SCD5: variants seen among roughly 807,000 people sequenced by gnomAD.
SCD5 encodes the protein stearoyl-CoA desaturase 5.
A neutral mutation model predicts 30.4 loss-of-function variants in SCD5; 20 were observed. The observed-to-expected ratio is 0.66, with a 90% CI of 0.46 to 0.96. The LOEUF is 0.96. Among genes scored for constraint, SCD5 ranks in the 40% least tolerant of loss-of-function variants. The pLI is 0.00. For missense variants in SCD5, 381 were observed against 443.3 expected (o/e 0.86, Z 1.26); for synonymous variants, 173 against 176.4 (o/e 0.98, Z 0.16).
At chr4:82,764,255 C>T (rs1190873871) in intron 1 of SCD5, among the ~76,000 whole-genome samples, 3 of 152,180 alleles carry the variant, frequency 2.0e-5, no homozygotes, top group Non-Finnish European at 4.4e-5. Flanking sequence ...TAGAAAAGAA[C>T]ACAGATAAAA....
At chr4:82,789,035 T>C (rs3857140) in intron 1 of SCD5, among the ~76,000 whole-genome samples, 17,776 of 152,152 alleles carry the variant, frequency 0.12, 1,126 homozygotes, top group African/African-American at 0.15. Flanking sequence ...GCCAAAAGCA[T>C]CCTAATACAA....
intron 1 of SCD5, among the ~76,000 whole-genome samples, chr4:82,747,171 G>A (rs1279992649): frequency 6.6e-6 from 1 of 152,000 alleles, no homozygotes; most frequent in East Asian, 1.9e-4. Context: ...GGGGGAAAGG[G>A]AACTCCCCCA....
At chr4:82,698,511 AT>A (rs1048318821) in intron 2 of SCD5, among the ~76,000 whole-genome samples, 6 of 152,218 alleles carry the variant, frequency 3.9e-5, no homozygotes, top group African/African-American at 1.4e-4. Flanking sequence ...ATGGAAACGC[AT>A]GAGGCCATGT....
chr4:82,700,787 TAAAAAAAAAAAAAAAAAAAA>T lies in SCD5; in HGVS notation c.363+4476_363+4495del, dbSNP rs70938305. On this transcript the variant is annotated intron_variant, in intron 2 of 4. Coordinates refer to ENST00000319540, the MANE Select transcript of SCD5 (RefSeq NM_001037582.3). ...GGGTGACGGAGTGAGACCCTGTCTC[TAAAAAAAAAAAAAAAAAAAA>T]AAAAAAAAAAAAAAAAAAGACATTC... Among the ~76,000 whole-genome samples the T allele has an allele frequency of 6.6e-3, 419 of 63,804 alleles. 8 individuals carry two copies. Among genetic ancestry groups the T allele is most frequent in the African/African-American group, 0.019 (389 of 20,354 alleles). 41.9% of individuals were successfully genotyped at this position (63,804 alleles called of 152,430 possible). A position where few individuals can be genotyped will look rare whatever the true frequency, so the allele number is the denominator to read the frequency against.
intron 2 of SCD5, among the ~76,000 whole-genome samples, chr4:82,683,149 C>T (rs1029565460): frequency 3.3e-5 from 5 of 151,994 alleles, no homozygotes; most frequent in Admixed American, 6.6e-5. Flanking sequence ...AGGAGCATGG[C>T]GGTTTATGTA....
At chr4:82,671,709 C>T (rs563043456) in intron 3 of SCD5, among the ~76,000 whole-genome samples, 16 of 152,262 alleles carry the variant, frequency 1.1e-4, no homozygotes, top group African/African-American at 3.9e-4. Context: ...GAAACCCTGT[C>T]TCTACTAAAA....
chr4:82,631,647 T>TG (rs1727296824), intron 4 of SCD5, 130 bp from the exon 5 acceptor site: 2 of 889,532 alleles, frequency 2.2e-6, no homozygotes, highest in Non-Finnish European at 3.3e-6. Context: ...GCAAAAGACT[T>TG]GGTTACTGAC....
intron 3 of SCD5, among the ~76,000 whole-genome samples, chr4:82,679,242 A>AAGAG (rs1728507789): frequency 1.2e-5 from 1 of 83,814 alleles, no homozygotes; most frequent in African/African-American, 4.6e-5. Context: ...GAAAGAAAGA[A>AAGAG]AGAAAGAAAG....
At chr4:82,663,982 A>G (rs1728104525) in intron 3 of SCD5, among the ~76,000 whole-genome samples, 2 of 152,230 alleles carry the variant, frequency 1.3e-5, no homozygotes, top group Admixed American at 6.5e-5. Context: ...GCGTTGCCTA[A>G]GACTGATACT....
intron 3 of SCD5, among the ~76,000 whole-genome samples, chr4:82,663,404 G>A (rs1728065005): frequency 6.6e-6 from 1 of 152,162 alleles, no homozygotes; most frequent in Admixed American, 6.5e-5. Flanking sequence ...CACAAGGAAG[G>A]TTGGGGACAG....
intron 4 of SCD5, among the ~76,000 whole-genome samples, chr4:82,632,904 C>G (rs556170727): frequency 6.6e-6 from 1 of 151,958 alleles, no homozygotes; most frequent in Admixed American, 6.6e-5. Flanking sequence ...TGTACAACAC[C>G]GGGTTCTGAG....
chr4:82,778,346 G>A (rs907219377), intron 1 of SCD5, among the ~76,000 whole-genome samples: 1 of 152,130 alleles, frequency 6.6e-6, no homozygotes, highest in African/African-American at 2.4e-5. Context: ...GAGGGTGCTC[G>A]TACACTGACA....
At chr4:82,764,483 A>T (rs1337487289) in intron 1 of SCD5, among the ~76,000 whole-genome samples, 3 of 152,098 alleles carry the variant, frequency 2.0e-5, no homozygotes, top group Non-Finnish European at 4.4e-5. Flanking sequence ...TTGGCTTATT[A>T]ATGATAACTC....
chr4:82,704,517 C>G (rs1290721172), intron 2 of SCD5, among the ~76,000 whole-genome samples: 1 of 152,170 alleles, frequency 6.6e-6, no homozygotes, highest in East Asian at 1.9e-4. Flanking sequence ...CTGGGATAGT[C>G]TTAAAGAATA....
intron 3 of SCD5, among the ~76,000 whole-genome samples, chr4:82,666,945 A>T (rs542447107): frequency 2.6e-5 from 4 of 152,348 alleles, no homozygotes; most frequent in South Asian, 4.1e-4. Flanking sequence ...AGCAGTTAAT[A>T]AATAGCAACT....
At chr4:82,670,317 C>G (rs886971803) in intron 3 of SCD5, among the ~76,000 whole-genome samples, 8 of 151,966 alleles carry the variant, frequency 5.3e-5, no homozygotes, top group Non-Finnish European at 1.2e-4. Flanking sequence ...GATGAAAATC[C>G]TAAGACAGAA....
intron 1 of SCD5, among the ~76,000 whole-genome samples, chr4:82,762,219 G>C (rs1333340969): frequency 7.5e-6 from 1 of 133,326 alleles, no homozygotes; most frequent in Non-Finnish European, 1.6e-5. Context: ...GGAGAGGAGG[G>C]GAGGGGGAGA....
intron 2 of SCD5, among the ~76,000 whole-genome samples, chr4:82,700,964 A>C (rs1254749272): frequency 6.6e-6 from 1 of 152,206 alleles, no homozygotes; most frequent in Admixed American, 6.5e-5. Context: ...TAAAATAGAA[A>C]CTTTTATTAT....
At chr4:82,635,213 A>G (rs1727398354) in intron 4 of SCD5, among the ~76,000 whole-genome samples, 1 of 152,232 alleles carries the variant, frequency 6.6e-6, no homozygotes, top group African/African-American at 2.4e-5. Context: ...AACTCCTTTT[A>G]GCCTGAGGCC....
Sources: allele counts gnomAD v4.1 joint callset (sites outside exome capture counted in the v4.1 genomes callset), GRCh38; gene constraint gnomAD v4.1.1; transcripts MANE v1.5; gene names NCBI Gene and HGNC (gene_info 2026-07-23, HGNC 2026-07-21).